The following SLC4A4 variants were observed in gnomAD, a reference collection of about 807,000 sequenced individuals.
The protein encoded by SLC4A4 is solute carrier family 4 member 4, also known as electrogenic sodium bicarbonate cotransporter 1.
A neutral mutation model predicts 111.5 loss-of-function variants in SLC4A4; 27 were observed. The ratio of observed to expected loss-of-function variants is 0.24; its 90% confidence interval spans 0.18 to 0.33. SLC4A4 has a LOEUF of 0.33. SLC4A4 is among the 10% of genes least tolerant of loss of function. SLC4A4 has a pLI of 1.00. For missense variants in SLC4A4, 909 were observed against 1,315.5 expected, an observed-to-expected ratio of 0.69 and a Z score of 4.78; for synonymous variants, 443 against 463.4, an observed-to-expected ratio of 0.96 and a Z score of 0.57.
At chr4:71,534,910 A>C (rs1013573570) in intron 18 of SLC4A4, among the ~76,000 whole-genome samples, 16 of 152,152 alleles carry the variant, frequency 1.1e-4, no homozygotes, top group African/African-American at 3.6e-4. Context: ...GGACATTTTA[A>C]AAATCAGTTA....
intron 16 of SLC4A4, among the ~76,000 whole-genome samples, chr4:71,518,624 G>C (rs549399192): frequency 1.3e-3 from 205 of 152,242 alleles, no homozygotes; most frequent in Non-Finnish European, 2.5e-3. Flanking sequence ...TCTGCAGCTG[G>C]TGACCTGAGG....
intron 2 of SLC4A4, among the ~76,000 whole-genome samples, chr4:71,159,258 T>A (rs1460763431): frequency 3.3e-5 from 5 of 152,100 alleles, no homozygotes; most frequent in Non-Finnish European, 7.4e-5. Context: ...ATTTTCAGGG[T>A]TTTTTCAATT....
At chr4:71,297,253 C>T (rs982759238) in intron 3 of SLC4A4, among the ~76,000 whole-genome samples, 2 of 152,158 alleles carry the variant, frequency 1.3e-5, no homozygotes, top group Non-Finnish European at 2.9e-5. Flanking sequence ...AGCCTTTGTG[C>T]TGGGAACCAC....
At chr4:71,179,220 T>C (rs1462472773) in intron 2 of SLC4A4, among the ~76,000 whole-genome samples, 2 of 152,152 alleles carry the variant, frequency 1.3e-5, no homozygotes, top group Non-Finnish European at 2.9e-5. Flanking sequence ...TAATAAGAGC[T>C]ATCTATGACA....
At chr4:71,445,434 A>G (rs7683154) in intron 8 of SLC4A4, among the ~76,000 whole-genome samples, 30,470 of 152,080 alleles carry the variant, frequency 0.2, 3,379 homozygotes, top group South Asian at 0.42. Flanking sequence ...TTTGTAAGCT[A>G]TAATCATGAT....
chr4:71,145,940 T>C (rs1453901794), intron 2 of SLC4A4, among the ~76,000 whole-genome samples: 2 of 152,212 alleles, frequency 1.3e-5, no homozygotes, highest in African/African-American at 4.8e-5. Flanking sequence ...TTTGTGTCTC[T>C]ATTTCCTTCA....
At chr4:71,229,812 GT>G (rs546659911) in intron 1 of SLC4A4, among the ~76,000 whole-genome samples, 2,257 of 124,344 alleles carry the variant, frequency 0.018, 49 homozygotes, top group African/African-American at 0.059. Flanking sequence ...CCCCTGCGAA[GT>G]TTTTTTTTTT....
intron 3 of SLC4A4, among the ~76,000 whole-genome samples, chr4:71,307,138 T>G (rs898845469): frequency 6.6e-6 from 1 of 152,214 alleles, no homozygotes; most frequent in Non-Finnish European, 1.5e-5. Flanking sequence ...TTAAAGTGAT[T>G]GCCTAAGTTT....
intron 2 of SLC4A4, among the ~76,000 whole-genome samples, chr4:71,111,944 G>A (rs866518463): frequency 3.3e-5 from 5 of 152,068 alleles, no homozygotes; most frequent in Non-Finnish European, 5.9e-5. Flanking sequence ...TGATCCACCC[G>A]CCTCGGCCTT....
chr4:71,103,249 A>C (rs1168578620), intron 2 of SLC4A4, among the ~76,000 whole-genome samples: 5 of 151,354 alleles, frequency 3.3e-5, no homozygotes, highest in South Asian at 2.1e-4. Flanking sequence ...CACCCAATAC[A>C]GGAGCACCCA....
At chr4:71,099,368 G>A (rs190478409) in intron 2 of SLC4A4, among the ~76,000 whole-genome samples, 2 of 152,240 alleles carry the variant, frequency 1.3e-5, no homozygotes, top group Admixed American at 6.5e-5. Flanking sequence ...TAACAAAATT[G>A]AGGCAGAAAT....
intron 16 of SLC4A4, among the ~76,000 whole-genome samples, chr4:71,530,557 A>G (rs1733828903): frequency 6.6e-6 from 1 of 152,084 alleles, no homozygotes; most frequent in Non-Finnish European, 1.5e-5. Flanking sequence ...TAAGTTGCTC[A>G]TAAAAGGCTG....
At chr4:71,526,792 T>G (rs994800977) in intron 16 of SLC4A4, among the ~76,000 whole-genome samples, 2 of 152,012 alleles carry the variant, frequency 1.3e-5, no homozygotes, top group Non-Finnish European at 2.9e-5. Flanking sequence ...TTCTCGAGGC[T>G]CTAGGGGAGA....
intron 3 of SLC4A4, among the ~76,000 whole-genome samples, chr4:71,278,736 A>G (rs1035328246): frequency 3.3e-5 from 5 of 152,150 alleles, no homozygotes; most frequent in African/African-American, 7.2e-5. Context: ...ATTTATTTAT[A>G]TGTCTTCTTT....
chr4:71,182,832 C>T (rs902410376), upstream of SLC4A4, among the ~76,000 whole-genome samples: 8 of 152,014 alleles, frequency 5.3e-5, no homozygotes, highest in Admixed American at 2.6e-4. Flanking sequence ...TACCTAAAAC[C>T]AGACCAATCT....
chr4:71,187,723 C>T (rs555458951), intron 1 of SLC4A4, among the ~76,000 whole-genome samples: 1 of 152,212 alleles, frequency 6.6e-6, no homozygotes, highest in South Asian at 2.1e-4. Flanking sequence ...GCCAGTTCTG[C>T]GGCGGGCTGG....
intron 7 of SLC4A4, chr4:71,437,317 T>C: frequency 2.7e-6 from 1 of 365,558 alleles, no homozygotes; most frequent in Non-Finnish European, 5.4e-6. Context: ...AACACGGTTT[T>C]GGGGAAATAC....
intron 16 of SLC4A4, among the ~76,000 whole-genome samples, chr4:71,516,746 G>A (rs576760601): frequency 6.6e-6 from 1 of 152,148 alleles, no homozygotes; most frequent in African/African-American, 2.4e-5. Flanking sequence ...TTCCTTATCT[G>A]TGCCTCAGGT....
At chr4:71,519,012 C>T (rs1257717543) in intron 16 of SLC4A4, among the ~76,000 whole-genome samples, 1 of 152,172 alleles carries the variant, frequency 6.6e-6, no homozygotes, top group Non-Finnish European at 1.5e-5. Flanking sequence ...GATGTGTTGC[C>T]TGAGGTTGAA....
Sources: allele counts gnomAD v4.1 joint callset (sites outside exome capture counted in the v4.1 genomes callset), GRCh38; gene constraint gnomAD v4.1.1; transcripts MANE v1.5; gene names NCBI Gene and HGNC (gene_info 2026-07-23, HGNC 2026-07-21).